EML4: variants seen among roughly 807,000 people sequenced by gnomAD.
EML4 encodes the protein echinoderm microtubule-associated protein-like 4.
In EML4, 72 loss-of-function variants were observed where a neutral mutation model predicts 129.0. That is an observed-to-expected ratio of 0.56 (90% CI 0.46 to 0.68). The LOEUF (loss-of-function observed/expected upper bound fraction) is 0.68, where lower values mean the gene tolerates loss of function less well. Ranked by LOEUF, EML4 falls within the 30% of genes least tolerant of loss-of-function variation. The pLI, the probability that EML4 is intolerant of heterozygous loss-of-function variation, is 0.00. For synonymous variants in EML4, 532 were observed against 405.0 expected, an observed-to-expected ratio of 1.31 and a Z score of -3.77; for missense variants, 1,363 against 1,190.6, an observed-to-expected ratio of 1.14 and a Z score of -2.13.
At chr2:42,189,622 T>C (rs1043764507) in intron 1 of EML4, among the ~76,000 whole-genome samples, 6 of 152,214 alleles carry the variant, frequency 3.9e-5, no homozygotes, top group Non-Finnish European at 7.3e-5. Flanking sequence ...ATGATCTCCT[T>C]AATTCACTAA....
chr2:42,241,748 T>C (rs915414687), intron 1 of EML4, among the ~76,000 whole-genome samples: 12 of 152,112 alleles, frequency 7.9e-5, no homozygotes, highest in African/African-American at 2.7e-4. Flanking sequence ...GCACATAAGG[T>C]GAGAGTCAAA....
chr2:42,181,628 A>G (rs1670951223), intron 1 of EML4, among the ~76,000 whole-genome samples: 1 of 152,086 alleles, frequency 6.6e-6, no homozygotes, highest in African/African-American at 2.4e-5. Flanking sequence ...GTTATAGTCC[A>G]TTACTATTTA....
At chr2:42,247,025 C>T (rs942907366) in intron 2 of EML4, among the ~76,000 whole-genome samples, 7 of 152,178 alleles carry the variant, frequency 4.6e-5, no homozygotes, top group African/African-American at 4.8e-5. Context: ...GAGTGGAAGA[C>T]GGTGGTAATA....
chr2:42,290,201 G>T (rs1355828103), intron 11 of EML4, among the ~76,000 whole-genome samples: 1 of 152,230 alleles, frequency 6.6e-6, no homozygotes, highest in African/African-American at 2.4e-5. Context: ...ACTCAGAAAT[G>T]ACTTGATTCA....
chr2:42,309,501 C>T (rs1668811177), intron 17 of EML4, among the ~76,000 whole-genome samples: 1 of 143,944 alleles, frequency 6.9e-6, no homozygotes. Context: ...GCCGTATTGT[C>T]TTATGATTCT....
intron 17 of EML4, 89 bp downstream of exon 17, chr2:42,304,640 A>G: frequency 1.0e-6 from 1 of 988,548 alleles, no homozygotes; most frequent in Non-Finnish European, 1.6e-6. Flanking sequence ...TGGAGAATTA[A>G]TCTCTTAAGT....
intron 1 of EML4, among the ~76,000 whole-genome samples, chr2:42,172,724 T>C (rs1273013939): frequency 3.9e-5 from 6 of 152,086 alleles, no homozygotes; most frequent in Non-Finnish European, 8.8e-5. Flanking sequence ...TCACTACATA[T>C]AGATACCCAT....
intron 1 of EML4, among the ~76,000 whole-genome samples, chr2:42,226,760 A>C (rs1483243517): frequency 6.6e-6 from 1 of 152,196 alleles, no homozygotes; most frequent in South Asian, 2.1e-4. Context: ...GAAAAATGCT[A>C]CGTGAGATAA....
chr2:42,269,977 G>T (rs576807264), intron 6 of EML4, among the ~76,000 whole-genome samples: 3 of 152,220 alleles, frequency 2.0e-5, no homozygotes. Flanking sequence ...AAGAATCACA[G>T]TTCTACACTA....
intron 1 of EML4, among the ~76,000 whole-genome samples, chr2:42,235,975 C>G (rs1674648613): frequency 6.6e-6 from 1 of 152,292 alleles, no homozygotes; most frequent in South Asian, 2.1e-4. Context: ...AGAAACATCA[C>G]TGAACTTCCC....
At chr2:42,249,969 A>T (rs1048445301) in intron 2 of EML4, among the ~76,000 whole-genome samples, 1 of 152,248 alleles carries the variant, frequency 6.6e-6, no homozygotes, top group South Asian at 2.1e-4. Context: ...GGGAAGGCCC[A>T]GAGAACACTG....
chr2:42,246,191 A>T (rs1342453077), intron 2 of EML4, among the ~76,000 whole-genome samples: 1 of 152,166 alleles, frequency 6.6e-6, no homozygotes, highest in South Asian at 2.1e-4. Flanking sequence ...CTAACTTTCC[A>T]GTATTGGGAG....
At position 42,322,120 on chromosome 2, in the gene EML4, A is replaced by G. The variant is rs116772986; in HGVS notation, c.2155-3347A>G. Among the ~76,000 whole-genome samples the G allele has an allele frequency of 5.2e-3, 786 of 152,362 alleles. 5 individuals are homozygous for G. The highest frequency in any genetic ancestry group is 0.018 in the African/African-American group (753 of 41,586). ...AAGCAGATAGACTGATGGAACAGAA[A>G]AGCATCCAGGAACAGATTTATGTTT... On this transcript the variant is annotated intron_variant, in intron 19 of 22. Coordinates refer to ENST00000318522, the MANE Select transcript of EML4 (RefSeq NM_019063.5).
At chr2:42,255,828 G>T (rs529045788) in intron 2 of EML4, among the ~76,000 whole-genome samples, 1 of 152,320 alleles carries the variant, frequency 6.6e-6, no homozygotes, top group East Asian at 1.9e-4. Flanking sequence ...ATACCACCAT[G>T]TGTGGAACTT....
intron 1 of EML4, among the ~76,000 whole-genome samples, chr2:42,201,804 G>A (rs944665690): frequency 6.6e-5 from 10 of 151,856 alleles, no homozygotes; most frequent in South Asian, 2.1e-4. Context: ...AAAATAGGCC[G>A]GGCATGGTGG....
At chr2:42,302,863 T>C (rs1030465522) in intron 14 of EML4, among the ~76,000 whole-genome samples, 1 of 152,160 alleles carries the variant, frequency 6.6e-6, no homozygotes, top group African/African-American at 2.4e-5. Context: ...CCTTAACTCC[T>C]AAAGTCATAT....
chr2:42,310,219 A>T (rs1668856048), intron 17 of EML4, among the ~76,000 whole-genome samples: 2 of 152,140 alleles, frequency 1.3e-5, no homozygotes, highest in South Asian at 4.1e-4. Context: ...GCCAGTTACC[A>T]TAGTTGTAAT....
chr2:42,205,980 A>T (rs1482632001), intron 1 of EML4, among the ~76,000 whole-genome samples: 1 of 151,658 alleles, frequency 6.6e-6, no homozygotes, highest in Non-Finnish European at 1.5e-5. Context: ...CCCTAGGACC[A>T]CTCTTGCTAA....
chr2:42,293,311 C>G (rs1009079093), intron 11 of EML4, among the ~76,000 whole-genome samples: 1 of 152,020 alleles, frequency 6.6e-6, no homozygotes, highest in South Asian at 2.1e-4. Flanking sequence ...CTATGTTGCA[C>G]AGTTGATCTC....
Sources: allele counts gnomAD v4.1 joint callset (sites outside exome capture counted in the v4.1 genomes callset), GRCh38; gene constraint gnomAD v4.1.1; transcripts MANE v1.5; gene names NCBI Gene and HGNC (gene_info 2026-07-23, HGNC 2026-07-21).